RLF: variants seen among roughly 807,000 people sequenced by gnomAD.
RLF encodes the protein RLF zinc finger, also known as zinc finger protein Rlf.
Under a neutral mutation model 162.9 loss-of-function variants are expected in RLF, and 7 were observed. The ratio of observed to expected loss-of-function variants is 0.04; its 90% CI spans 0.02 to 0.08. The LOEUF is 0.08. RLF is among the 10% of genes least tolerant of loss of function. The probability of loss-of-function intolerance (pLI) is 1.00; values close to 1 mark genes in which losing one functional copy is unlikely to be tolerated. For synonymous variants in RLF, 782 were observed against 791.5 expected, an observed-to-expected ratio of 0.99 and a Z score of 0.20; for missense variants, 1,664 against 2,244.7, an observed-to-expected ratio of 0.74 and a Z score of 5.23.
Position 40,236,035 on chromosome 1 carries a change from G to A in RLF, c.1333G>A (p.Ala445Thr). The A allele has an allele frequency of 6.2e-7, 1 of 1,613,566 alleles. No homozygotes were observed. Among genetic ancestry groups the A allele is most frequent in the Non-Finnish European group, 8.5e-7 (1 of 1,179,874 alleles). The change falls in exon 8 of 8, where the codon GCA becomes ACA. Residue 445 changes from alanine to threonine, a missense_variant. Ala to Thr is a moderately conservative substitution (Grantham distance 58, BLOSUM62 0). Around this residue, in one of 15 missense-constraint regions of RLF, gnomAD observed 287 missense variants for 404.9 expected, o/e 0.71. Transcript: ENST00000372771. The surrounding 1 kb of genome is among the most constrained non-coding windows in gnomAD (Gnocchi z 7.7). The stretch of plus-strand genomic sequence containing the variant: ...AGATCAAAAATTTGATGAAGAAAAT[G>A]CACCGGTTCCAAATTCTCTTCGATG... ...QPDQKFDEEN[A>T]PVPNSLRCEL... is the part of the protein sequence containing the mutation.
chr1:40,161,809 C>T lies in RLF; in HGVS notation c.237+173C>T, dbSNP rs1253200123. On this transcript the variant is annotated intron_variant, in intron 1 of 7. Transcript: ENST00000372771. The surrounding 1 kb of genome is among the most constrained non-coding windows in gnomAD (Gnocchi z 4.4). The stretch of plus-strand genomic sequence containing the variant: ...AGCTCGACCGCTGGCCCCCCTGCGC[C>T]ACTGCCCGACTTTGGCCACCGCTGG... 6.6e-6 allele frequency among the ~76,000 whole-genome samples: 1 copy of T among 152,200 alleles called. No individual in the cohort carries two copies.
chr1:40,233,653 A>G (rs564053914), intron 7 of RLF, among the ~76,000 whole-genome samples: 2 of 152,296 alleles, frequency 1.3e-5, no homozygotes, highest in African/African-American at 4.8e-5. Flanking sequence ...TTAGGCCACT[A>G]CTGTTGTGGG....
chr1:40,235,696 CTA>C (rs997918944), intron 7 of RLF, 94 bp from the exon 8 acceptor site: 11 of 877,714 alleles, frequency 1.3e-5, no homozygotes, highest in Non-Finnish European at 1.7e-5. Flanking sequence ...TTTAGGAACT[CTA>C]AAAGTTTTTA....
intron 6 of RLF, 43 bp downstream of exon 6, chr1:40,222,753 G>A (rs369227999): frequency 6.5e-7 from 1 of 1,541,366 alleles, no homozygotes. Context: ...TTAGTACATA[G>A]TATAGCATTT....
chr1:40,204,095 C>T (rs1443510443), intron 5 of RLF, among the ~76,000 whole-genome samples: 1 of 148,554 alleles, frequency 6.7e-6, no homozygotes, highest in African/African-American at 2.5e-5. Flanking sequence ...TGTAGTGGCG[C>T]GATCTTTGCT....
At chr1:40,209,586 C>T (rs1178993100) in intron 5 of RLF, among the ~76,000 whole-genome samples, 2 of 152,142 alleles carry the variant, frequency 1.3e-5, no homozygotes, top group Non-Finnish European at 1.5e-5. Flanking sequence ...TTTTTAAAAG[C>T]AGTCATATGG....
intron 3 of RLF, among the ~76,000 whole-genome samples, chr1:40,193,819 T>TGGG (rs1320388634): frequency 6.6e-6 from 1 of 152,136 alleles, no homozygotes; most frequent in Non-Finnish European, 1.5e-5. Context: ...GGTTAAGGGA[T>TGGG]GGGGGAGACT....
At position 40,237,375 on chromosome 1, in the gene RLF, C is replaced by T; in HGVS notation, c.2673C>T (p.Asn891=). The T allele has an allele frequency of 6.2e-7, 1 of 1,613,782 alleles. No individual in the cohort carries two copies. Among genetic ancestry groups the T allele is most frequent in the Non-Finnish European group, 8.5e-7 (1 of 1,179,916 alleles). ...DTETAENLKE[N]SDSNSSDQLS... is the part of the protein sequence containing the mutation. Reference sequence around the variant, plus strand: ...AAACTGCAGAAAACCTGAAAGAAAACAGTGACAGTAATTCTAGTGATCAGT... The same window carrying T: ...AAACTGCAGAAAACCTGAAAGAAAATAGTGACAGTAATTCTAGTGATCAGT... The change falls in exon 8 of 8, where the codon AAC becomes AAT. Residue 891 remains asparagine, a synonymous_variant. Coordinates refer to ENST00000372771, the MANE Select transcript of RLF (RefSeq NM_012421.4). The surrounding 1 kb of genome is among the most constrained non-coding windows in gnomAD (Gnocchi z 4.4).
At chr1:40,194,887 G>A (rs985327115) in intron 3 of RLF, among the ~76,000 whole-genome samples, 10 of 151,418 alleles carry the variant, frequency 6.6e-5, no homozygotes, top group African/African-American at 1.5e-4. Context: ...AGGCTGGAGC[G>A]CAGTGGCACA....
At chr1:40,223,062 C>G (rs1350610671) in intron 6 of RLF, among the ~76,000 whole-genome samples, 6 of 151,972 alleles carry the variant, frequency 3.9e-5, no homozygotes, top group Non-Finnish European at 1.5e-5. Context: ...TATTTGGGAA[C>G]CCACAAATGA....
At chr1:40,193,751 T>C (rs576594762) in intron 3 of RLF, among the ~76,000 whole-genome samples, 135 of 152,048 alleles carry the variant, frequency 8.9e-4, no homozygotes, top group South Asian at 3.5e-3. Flanking sequence ...TAATGCAACA[T>C]ATTGGGTGGG....
intron 1 of RLF, 137 bp from the exon 2 acceptor site, chr1:40,188,918 C>T: frequency 1.9e-6 from 1 of 525,572 alleles, no homozygotes; most frequent in South Asian, 3.0e-5. Context: ...TCTAAACAAA[C>T]CAGAGCCTTA....
intron 3 of RLF, 146 bp downstream of exon 3, chr1:40,190,999 A>G (rs1642550053): frequency 6.6e-6 from 3 of 453,448 alleles, no homozygotes; most frequent in Non-Finnish European, 1.2e-5. Context: ...GGCCCTTCAC[A>G]TGAAGGGGAT....
intron 1 of RLF, among the ~76,000 whole-genome samples, chr1:40,181,144 CTT>C (rs1642400282): frequency 6.6e-6 from 1 of 152,134 alleles, no homozygotes; most frequent in Non-Finnish European, 1.5e-5. Flanking sequence ...AAAAGGCTGT[CTT>C]TGGCCAGCTG....
chr1:40,170,287 T>C (rs1266532507), intron 1 of RLF, among the ~76,000 whole-genome samples: 5 of 152,222 alleles, frequency 3.3e-5, no homozygotes, highest in Admixed American at 3.3e-4. Context: ...AGGGTCTTGC[T>C]GTGTCGCTCA....
chr1:40,214,353 G>A (rs1489224212), intron 5 of RLF, among the ~76,000 whole-genome samples: 2 of 152,036 alleles, frequency 1.3e-5, no homozygotes, highest in Non-Finnish European at 2.9e-5. Flanking sequence ...GAAAAATAAA[G>A]GCTTTACAGC....
At chr1:40,209,183 C>T (rs950940139) in intron 5 of RLF, among the ~76,000 whole-genome samples, 13 of 152,212 alleles carry the variant, frequency 8.5e-5, no homozygotes, top group Non-Finnish European at 1.5e-5. Flanking sequence ...TACTGAGGAG[C>T]TTAGGTAGAG....
chr1:40,162,219 C>T (rs2124520406), intron 1 of RLF, among the ~76,000 whole-genome samples: 1 of 147,134 alleles, frequency 6.8e-6, no homozygotes, highest in South Asian at 2.2e-4. Context: ...GTTCTTTCGT[C>T]TTTTCTGTAT....
chr1:40,186,096 T>A (rs1197354279), intron 1 of RLF, among the ~76,000 whole-genome samples: 1 of 151,948 alleles, frequency 6.6e-6, no homozygotes, highest in Non-Finnish European at 1.5e-5. Flanking sequence ...AGGTGAAGGT[T>A]GCAGTGAGCC....
Sources: gnomAD v4.1 joint callset for allele counts (sites outside exome capture counted in the v4.1 genomes callset) on GRCh38, gnomAD v4.1.1 for gene constraint, gnomAD v4.1.1 regional missense constraint, Gnocchi (gnomAD v3.1) non-coding constraint, MANE v1.5 for transcripts, NCBI Gene and HGNC (gene_info 2026-07-23, HGNC 2026-07-21) for gene names.